ARHGAP22: variants seen among roughly 807,000 people sequenced by gnomAD.
ARHGAP22 encodes the protein Rho GTPase activating protein 22.
A neutral mutation model predicts 59.1 loss-of-function variants in ARHGAP22; 48 were observed. The ratio of observed to expected loss-of-function variants is 0.81; its 90% CI spans 0.64 to 1.03. The LOEUF is 1.03. Ranked by LOEUF, ARHGAP22 falls within the 50% of genes least tolerant of loss-of-function variation. ARHGAP22 has a pLI of 0.00. For missense variants in ARHGAP22, 1,015 were observed against 958.7 expected (o/e 1.06, Z -0.78); for synonymous variants, 445 against 416.4 (o/e 1.07, Z -0.84).
chr10:48,451,259 G>T (rs1217620097), intron 8 of ARHGAP22, 119 bp from the exon 9 acceptor site: 3 of 1,363,972 alleles, frequency 2.2e-6, no homozygotes, highest in Non-Finnish European at 2.0e-6. Context: ...GAGCCAGGCC[G>T]CCCCTCAAGG....
chr10:48,655,256 T>TGGGGGGGGGGGG (rs1230624457), upstream of ARHGAP22, among the ~76,000 whole-genome samples: 1 of 9,892 alleles, frequency 1.0e-4, no homozygotes, highest in African/African-American at 3.1e-4. Context: ...TGTGTGTGTG[T>TGGGGGGGGGGGG]GGGGGGGGGG....
At chr10:48,580,539 G>A (rs886207226) in intron 2 of ARHGAP22, among the ~76,000 whole-genome samples, 2 of 152,178 alleles carry the variant, frequency 1.3e-5, no homozygotes, top group Non-Finnish European at 2.9e-5. Context: ...GGCTGGTACA[G>A]GAGGAGGGTG....
Position 48,605,063 on chromosome 10 carries a change from G to T in ARHGAP22, c.-267C>A. On this transcript the variant is annotated 5_prime_UTR_variant, in exon 1 of 10. Coordinates refer to ENST00000249601, the MANE Select transcript of ARHGAP22 (RefSeq NM_021226.4). The stretch of plus-strand genomic sequence containing the variant: ...CATTAAAGCCTCAGTAATCACTGCT[G>T]ATCAATCACTGGACCAGGGCGGGGC... 8.0e-6 allele frequency: 11 copies of T among 1,383,638 alleles called. No individual in the cohort carries two copies. The highest frequency in any genetic ancestry group is 1.0e-5 in the Non-Finnish European group (11 of 1,067,394). 85.7% of individuals were successfully genotyped at this position (1,383,638 alleles called of 1,614,324 possible).
intron 3 of ARHGAP22, among the ~76,000 whole-genome samples, chr10:48,548,948 C>G (rs1050362957): frequency 1.3e-5 from 2 of 152,194 alleles, no homozygotes; most frequent in Non-Finnish European, 2.9e-5. Context: ...GCAGTTCCAC[C>G]GCTCACCGGC....
chr10:48,489,802 T>C (rs1447448754), intron 3 of ARHGAP22, among the ~76,000 whole-genome samples: 1 of 151,236 alleles, frequency 6.6e-6, no homozygotes, highest in Non-Finnish European at 1.5e-5. Flanking sequence ...GGTGCAATCT[T>C]GGCTCACTGC....
chr10:48,456,199 G>A (rs2046484800), intron 5 of ARHGAP22, among the ~76,000 whole-genome samples: 1 of 152,198 alleles, frequency 6.6e-6, no homozygotes, highest in South Asian at 2.1e-4. Context: ...GGAAAGATGA[G>A]ACGGGGCCAG....
chr10:48,487,605 G>C (rs2134174239), intron 3 of ARHGAP22, among the ~76,000 whole-genome samples: 1 of 152,304 alleles, frequency 6.6e-6, no homozygotes, highest in East Asian at 1.9e-4. Flanking sequence ...GCAACCTCTA[G>C]AAACTGGAAA....
intron 3 of ARHGAP22, among the ~76,000 whole-genome samples, chr10:48,504,445 G>A (rs371888174): frequency 2.3e-4 from 35 of 152,192 alleles, no homozygotes; most frequent in African/African-American, 8.4e-4. Context: ...CAAAGGACAG[G>A]GAGCCAACCA....
At chr10:48,507,073 A>G (rs1205570086) in intron 3 of ARHGAP22, among the ~76,000 whole-genome samples, 1 of 152,204 alleles carries the variant, frequency 6.6e-6, no homozygotes, top group Non-Finnish European at 1.5e-5. Flanking sequence ...CTAAAAAATG[A>G]CCTTGTTCCC....
intron 1 of ARHGAP22, among the ~76,000 whole-genome samples, chr10:48,627,547 C>A (rs990218953): frequency 6.6e-6 from 1 of 152,244 alleles, no homozygotes; most frequent in Non-Finnish European, 1.5e-5. Flanking sequence ...GTCCCATTCC[C>A]ATCTGGGCTA....
intron 1 of ARHGAP22, among the ~76,000 whole-genome samples, chr10:48,646,442 T>C (rs2062300654): frequency 6.6e-6 from 1 of 152,220 alleles, no homozygotes. Context: ...TCTCCAAAGT[T>C]ATAGTAATCA....
upstream of ARHGAP22, among the ~76,000 whole-genome samples, chr10:48,654,420 G>C (rs2062676945): frequency 6.6e-6 from 1 of 152,184 alleles, no homozygotes; most frequent in Non-Finnish European, 1.5e-5. Flanking sequence ...TCATGGCCTT[G>C]GTTGGTCCAC....
chr10:48,459,655 C>G lies in ARHGAP22; in HGVS notation c.659+29G>C, dbSNP rs201504498. The G allele has an allele frequency of 3.7e-6, 6 of 1,612,060 alleles. No homozygotes were observed. In the African/African-American group the frequency reaches 6.7e-5, roughly 18 times the overall value. Reference sequence around the variant, plus strand: ...CCCTGCAGGAGGAATGGACAAATGGCTCCACCTTACCCCCGATCACAAGCT... The same window carrying G: ...CCCTGCAGGAGGAATGGACAAATGGGTCCACCTTACCCCCGATCACAAGCT... On this transcript the variant is annotated intron_variant, in intron 5 of 9. Coordinates refer to ENST00000249601, the MANE Select transcript of ARHGAP22 (RefSeq NM_021226.4).
chr10:48,469,643 T>C (rs1033068034), intron 4 of ARHGAP22, among the ~76,000 whole-genome samples: 7 of 152,216 alleles, frequency 4.6e-5, no homozygotes, highest in Admixed American at 4.6e-4. Context: ...GGAGGTGGGC[T>C]GCGCTGCCCC....
intron 1 of ARHGAP22, among the ~76,000 whole-genome samples, chr10:48,583,470 T>C (rs2059241103): frequency 6.6e-6 from 1 of 152,254 alleles, no homozygotes; most frequent in African/African-American, 2.4e-5. Context: ...CATGCATCCA[T>C]CCATGCATCC....
intron 3 of ARHGAP22, among the ~76,000 whole-genome samples, chr10:48,499,193 G>A (rs1485870240): frequency 6.6e-6 from 1 of 152,234 alleles, no homozygotes; most frequent in Admixed American, 6.5e-5. Context: ...TGGTCTGTAA[G>A]AATAACATAG....
At chr10:48,457,411 T>C (rs1376693861) in intron 5 of ARHGAP22, among the ~76,000 whole-genome samples, 1 of 152,138 alleles carries the variant, frequency 6.6e-6, no homozygotes, top group Non-Finnish European at 1.5e-5. Flanking sequence ...CCGGGACTGG[T>C]GTCCCTGGTG....
intron 5 of ARHGAP22, 108 bp downstream of exon 5, chr10:48,459,576 C>T (rs2046936484): frequency 7.8e-7 from 1 of 1,287,986 alleles, no homozygotes; most frequent in Non-Finnish European, 1.1e-6. Context: ...GCTGGCCCAC[C>T]ATCCTGTCGC....
rs140338035 is a variant in ARHGAP22 at position 48,504,650 on chromosome 10, C to G, written c.323-24886G>C. ...ATGGACAGGAGAACTGCAAAGGCCC[C>G]GAGGTGGGAAAACTCCTGAGCTCTT... On this transcript the variant is annotated intron_variant, in intron 3 of 9. Coordinates refer to ENST00000249601, the MANE Select transcript of ARHGAP22 (RefSeq NM_021226.4). Among the ~76,000 whole-genome samples, 935 of 152,190 alleles carry G rather than the reference C, an allele frequency of 6.1e-3. 5 individuals carry two copies. The highest frequency in any genetic ancestry group is 0.02 in the African/African-American group (851 of 41,516).
Sources: allele counts gnomAD v4.1 joint callset (sites outside exome capture counted in the v4.1 genomes callset), GRCh38; gene constraint gnomAD v4.1.1; transcripts MANE v1.5; gene names NCBI Gene and HGNC (gene_info 2026-07-23, HGNC 2026-07-21).